Variants in LRRD1 observed in about 807,000 individuals in gnomAD.
LRRD1 encodes leucine rich repeats and death domain containing 1, also known as leucine-rich repeat and death domain-containing protein 1.
In LRRD1, 49 loss-of-function variants were observed where a neutral mutation model predicts 69.5. The ratio of observed to expected loss-of-function variants is 0.70; its 90% confidence interval spans 0.56 to 0.89. The LOEUF (loss-of-function observed/expected upper bound fraction) is 0.89. Among genes scored for constraint, LRRD1 ranks in the 40% least tolerant of loss-of-function variants. The probability of loss-of-function intolerance (pLI) is 0.00; values close to 1 mark genes in which losing one functional copy is unlikely to be tolerated. For synonymous variants in LRRD1, 303 were observed against 338.9 expected (o/e 0.89, Z 1.16); for missense variants, 853 against 956.0 (o/e 0.89, Z 1.42).
Position 92,158,998 on chromosome 7 carries a change from C to A in LRRD1, c.2116+7G>T. 1 of 1,532,872 alleles carries A rather than the reference C, an allele frequency of 6.5e-7. No homozygotes were observed. Among genetic ancestry groups the A allele is most frequent in the Non-Finnish European group, 8.8e-7 (1 of 1,141,006 alleles). The allele number at this position is 1,532,872 out of a possible 1,614,324, so 95.0% of individuals were successfully genotyped here. Reference sequence around the variant, plus strand: ...GATTATGCTTACTGATTATGCTTGACACTCACCACTCAGGTTTAGTTGCTG... The same window carrying A: ...GATTATGCTTACTGATTATGCTTGAAACTCACCACTCAGGTTTAGTTGCTG... On this transcript the variant is annotated splice_region_variant and intron_variant, in intron 3 of 5. Coordinates refer to ENST00000458448, the MANE Select transcript of LRRD1 (RefSeq NM_001161528.2).
chr7:92,166,367 G>A (rs1788910227), intron 1 of LRRD1, among the ~76,000 whole-genome samples: 1 of 152,088 alleles, frequency 6.6e-6, no homozygotes, highest in Non-Finnish European at 1.5e-5. Flanking sequence ...TGTCAAACTG[G>A]CATGGTTTCA....
chr7:92,173,481 C>T (rs1789100485), intron 1 of LRRD1, among the ~76,000 whole-genome samples: 1 of 152,000 alleles, frequency 6.6e-6, no homozygotes, highest in Non-Finnish European at 1.5e-5. Flanking sequence ...ATGTAAGGAG[C>T]TCAAACAACT....
chr7:92,151,548 T>G (rs1402095864), intron 3 of LRRD1, among the ~76,000 whole-genome samples: 3 of 152,222 alleles, frequency 2.0e-5, no homozygotes, highest in Non-Finnish European at 4.4e-5. Flanking sequence ...CCATACTCTA[T>G]TCTTTGGAAG....
chr7:92,146,923 A>AT (rs1192099101), intron 4 of LRRD1, among the ~76,000 whole-genome samples: 8 of 150,324 alleles, frequency 5.3e-5, no homozygotes, highest in Non-Finnish European at 1.2e-4. Context: ...ACTCCGTCTC[A>AT]TAAAAAAAAA....
chr7:92,149,283 T>C (rs1011319750), intron 4 of LRRD1, among the ~76,000 whole-genome samples: 11 of 152,238 alleles, frequency 7.2e-5, no homozygotes, highest in Non-Finnish European at 1.5e-5. Context: ...CCTGATTATG[T>C]AGACAAGATA....
chr7:92,164,785 C>G lies in LRRD1; in HGVS notation c.418G>C (p.Gly140Arg). Residue 140 changes from glycine (G) to arginine (R), a missense_variant, in exon 2 of 6, where the codon GGG becomes CGG. By Grantham distance (125) the Gly-to-Arg change is moderately radical. Around this residue, in one of 3 missense-constraint regions of LRRD1, gnomAD observed 739 missense variants for 808.0 expected, o/e 0.91. Coordinates refer to ENST00000458448, the MANE Select transcript of LRRD1 (RefSeq NM_001161528.2). ...AGGTTAACTGTAAAGTTATCTGCCC[C>G]TAGGCCAAGTTGTTTCTGATTTTCT... ...SEENQKQLGL[G>R]ADNFTVNLEA... 1 of 1,551,518 alleles carries G rather than the reference C, an allele frequency of 6.4e-7. No homozygotes were observed. Among genetic ancestry groups the G allele is most frequent in the African/African-American group, 1.4e-5 (1 of 73,144 alleles).
intron 4 of LRRD1, among the ~76,000 whole-genome samples, chr7:92,148,773 A>C (rs1820394600): frequency 1.3e-5 from 2 of 152,166 alleles, no homozygotes. Context: ...TTTTAGACGG[A>C]GTCTCGCACT....
Position 92,144,953 on chromosome 7 carries a change from C to T in LRRD1, c.2518G>A (p.Gly840Arg), listed in dbSNP as rs1820279930. ...DQLIRALTMI[G>R]AYEIMDKITA... is the part of the protein sequence containing the mutation. The stretch of plus-strand genomic sequence containing the variant: ...ATTTTGTCCATAATTTCATATGCTC[C>T]TATCATAGTTAGTGCTCGAATTAGT... Residue 840 changes from glycine to arginine, a missense_variant, in exon 6 of 6, where the codon GGA becomes AGA. Gly to Arg is a moderately radical substitution (Grantham distance 125). This residue lies in a region of LRRD1 where 739 missense variants were observed against 808.0 expected (regional missense o/e 0.91). Transcript: ENST00000458448. 1.3e-6 allele frequency: 2 copies of T among 1,544,260 alleles called. No individual in the cohort carries two copies. Among genetic ancestry groups the T allele is most frequent in the Non-Finnish European group, 8.8e-7 (1 of 1,142,380 alleles).
intron 3 of LRRD1, 75 bp downstream of exon 3, chr7:92,158,930 T>G: frequency 8.4e-7 from 1 of 1,186,478 alleles, no homozygotes; most frequent in Non-Finnish European, 1.2e-6. Flanking sequence ...TTCTGTATCT[T>G]GTCAGCAAAA....
chr7:92,152,905 T>C lies in LRRD1; in HGVS notation c.2117-2210A>G, dbSNP rs184600381. On this transcript the variant is annotated intron_variant, in intron 3 of 5. Coordinates refer to ENST00000458448, the MANE Select transcript of LRRD1 (RefSeq NM_001161528.2). ...GGCTGGTCTCAAACTCCTGACCTCGTGATCTGCCCGCCTGGGCCTCCCAAA... is the reference window on the plus strand; with the variant it reads ...GGCTGGTCTCAAACTCCTGACCTCGCGATCTGCCCGCCTGGGCCTCCCAAA... Among the ~76,000 whole-genome samples, 462 of 152,290 alleles carry C rather than the reference T, an allele frequency of 3.0e-3. 2 individuals carry two copies. Among genetic ancestry groups the C allele is most frequent in the African/African-American group, 0.011 (437 of 41,562 alleles).
At chr7:92,146,580 G>C (rs1380161851) in intron 4 of LRRD1, among the ~76,000 whole-genome samples, 4 of 144,346 alleles carry the variant, frequency 2.8e-5, no homozygotes, top group African/African-American at 7.9e-5. Context: ...CTACACCACT[G>C]TACTCCAGCC....
intron 3 of LRRD1, among the ~76,000 whole-genome samples, chr7:92,152,918 T>G (rs1180646521): frequency 6.6e-6 from 1 of 152,210 alleles, no homozygotes. Flanking sequence ...TCTGCCCGCC[T>G]GGGCCTCCCA....
chr7:92,158,747 A>G (rs1563191150), intron 3 of LRRD1, among the ~76,000 whole-genome samples: 2 of 152,144 alleles, frequency 1.3e-5, no homozygotes, highest in Non-Finnish European at 2.9e-5. Context: ...AAGGGAAGAA[A>G]TACTAAATGA....
intron 1 of LRRD1, among the ~76,000 whole-genome samples, chr7:92,171,411 A>G (rs1789054549): frequency 6.6e-6 from 1 of 152,154 alleles, no homozygotes; most frequent in Non-Finnish European, 1.5e-5. Context: ...ACATCAACAA[A>G]TTGGAAAACC....
chr7:92,143,429 C>T (rs370807381), downstream of LRRD1, among the ~76,000 whole-genome samples: 7 of 152,236 alleles, frequency 4.6e-5, no homozygotes, highest in Middle Eastern at 3.4e-3. Context: ...GGGCGGCACT[C>T]GTCGGGGAGG....
intron 3 of LRRD1, among the ~76,000 whole-genome samples, chr7:92,155,979 C>T (rs908984511): frequency 6.6e-6 from 1 of 152,190 alleles, no homozygotes; most frequent in Admixed American, 6.5e-5. Context: ...AGATTGTGCC[C>T]ACCCAGATTG....
At chr7:92,142,071 T>C, downstream of LRRD1, 1 of 173,600 alleles carries the variant, frequency 5.8e-6, no homozygotes, top group Non-Finnish European at 1.2e-5. Context: ...GCCTCCCGAG[T>C]AGCTGGAACT....
At chr7:92,154,808 C>G (rs956093458) in intron 3 of LRRD1, among the ~76,000 whole-genome samples, 3 of 152,058 alleles carry the variant, frequency 2.0e-5, no homozygotes, top group Admixed American at 6.6e-5. Flanking sequence ...TACAGTAGTT[C>G]CTCCTTATCC....
rs372036120 is a variant in LRRD1, at chr7:92,144,907, G to A, written c.2564C>T (p.Thr855Met). The change falls in exon 6 of 6, where the codon ACG (threonine) becomes ATG (methionine). Residue 855 changes from threonine to methionine, a missense_variant. Physicochemically the swap from Thr to Met is moderately conservative, Grantham distance 81. Around this residue, in one of 3 missense-constraint regions of LRRD1, gnomAD observed 739 missense variants for 808.0 expected, o/e 0.91. Coordinates refer to ENST00000458448, the MANE Select transcript of LRRD1 (RefSeq NM_001161528.2). ...MDKITALNLF[T>M]RAIKF ...CACTGGTTAGAATTTAATTGCACGC[G>A]TAAAAAGATTTAAAGCTGTTATTTT... 6.5e-5 allele frequency: 97 copies of A among 1,495,886 alleles called. No individual in the cohort carries two copies. The East Asian group carries it at 9.3e-4, about 14-fold the overall frequency. The allele number at this position is 1,495,886 out of a possible 1,614,324, so 92.7% of individuals were successfully genotyped here.
Sources: allele counts gnomAD v4.1 joint callset (sites outside exome capture counted in the v4.1 genomes callset), GRCh38; gene constraint gnomAD v4.1.1; regional missense constraint gnomAD v4.1.1; transcripts MANE v1.5; gene names NCBI Gene and HGNC (gene_info 2026-07-23, HGNC 2026-07-21).